The following TMEM108 variants were observed in gnomAD, a reference collection of about 807,000 sequenced individuals.
The protein encoded by TMEM108 is transmembrane protein 108.
Under a neutral mutation model 35.1 loss-of-function variants are expected in TMEM108, and 12 were observed. The ratio of observed to expected loss-of-function variants is 0.34; its 90% CI spans 0.22 to 0.55. The LOEUF is 0.55. Among genes scored for constraint, TMEM108 ranks in the 20% least tolerant of loss-of-function variants. The probability of loss-of-function intolerance (pLI) is 0.89; values close to 1 mark genes in which losing one functional copy is unlikely to be tolerated. For synonymous variants in TMEM108, 287 were observed against 308.6 expected (o/e 0.93, Z 0.73); for missense variants, 680 against 753.3 (o/e 0.90, Z 1.14).
chr3:133,198,937 G>A (rs943748803), intron 2 of TMEM108, among the ~76,000 whole-genome samples: 6 of 152,122 alleles, frequency 3.9e-5, no homozygotes, highest in East Asian at 1.9e-4. Context: ...CCAATCAGAC[G>A]TAGATTTGGT....
At chr3:133,094,242 A>G (rs1021936613) in intron 2 of TMEM108, among the ~76,000 whole-genome samples, 1 of 21,114 alleles carries the variant, frequency 4.7e-5, no homozygotes, top group Admixed American at 7.5e-4. Flanking sequence ...CACCCCCCCC[A>G]CACACACGAG....
chr3:133,068,408 G>A (rs1162384828), intron 2 of TMEM108, among the ~76,000 whole-genome samples: 2 of 152,048 alleles, frequency 1.3e-5, no homozygotes, highest in Non-Finnish European at 2.9e-5. Context: ...GGATAAAACT[G>A]GCATGTTTAA....
chr3:133,381,071 G>A lies in TMEM108; in HGVS notation c.1360G>A (p.Asp454Asn), dbSNP rs759921008. The A allele has an allele frequency of 1.2e-6, 2 of 1,614,204 alleles. No individual in the cohort carries two copies. Among genetic ancestry groups the A allele is most frequent in the Admixed American group, 3.3e-5 (2 of 60,032 alleles). Residue 454 changes from aspartate (D) to asparagine (N), a missense_variant, in exon 4 of 6, where the codon GAC becomes AAC. This residue lies in a region of TMEM108 where 526 missense variants were observed against 532.1 expected (regional missense o/e 0.99). Coordinates refer to ENST00000321871, the MANE Select transcript of TMEM108 (RefSeq NM_023943.4). ...GAACATCTCCCATGTGGCCGAGGGG[G>A]ACAAACCGCAGCACAGAGCCACCAT... The part of the protein sequence containing the change: ...AGNISHVAEG[D>N]KPQHRATICL...
At chr3:133,387,176 A>G (rs928712146) in intron 4 of TMEM108, 44 of 985,318 alleles carry the variant, frequency 4.5e-5, no homozygotes, top group Non-Finnish European at 5.3e-5. Flanking sequence ...CAAGAAGAGA[A>G]CTGTCATTAA....
At chr3:133,171,598 G>A (rs554432775) in intron 2 of TMEM108, among the ~76,000 whole-genome samples, 1 of 152,242 alleles carries the variant, frequency 6.6e-6, no homozygotes, top group South Asian at 2.1e-4. Context: ...TGCTTAGAGA[G>A]GTCACTTTCC....
chr3:133,356,700 G>A (rs1335351899), intron 3 of TMEM108, among the ~76,000 whole-genome samples: 1 of 151,946 alleles, frequency 6.6e-6, no homozygotes, highest in Non-Finnish European at 1.5e-5. Context: ...TACAAACCAT[G>A]CAAAAACATA....
At chr3:133,156,539 C>G (rs1576349976) in intron 2 of TMEM108, among the ~76,000 whole-genome samples, 1 of 152,158 alleles carries the variant, frequency 6.6e-6, no homozygotes, top group Non-Finnish European at 1.5e-5. Flanking sequence ...AAGCAAGTCA[C>G]TTAATCTCTC....
chr3:133,369,030 T>C (rs953609474), intron 3 of TMEM108, among the ~76,000 whole-genome samples: 4 of 152,236 alleles, frequency 2.6e-5, no homozygotes, highest in African/African-American at 9.6e-5. Context: ...ATTTTCCTTC[T>C]CATACAGCTG....
chr3:133,044,342 C>T (rs2107670372), intron 1 of TMEM108, among the ~76,000 whole-genome samples: 1 of 152,198 alleles, frequency 6.6e-6, no homozygotes, highest in East Asian at 1.9e-4. Context: ...TACTTTGTTT[C>T]CTGTTCCAAA....
intron 2 of TMEM108, among the ~76,000 whole-genome samples, chr3:133,170,609 G>A (rs1390645040): frequency 6.6e-6 from 1 of 152,136 alleles, no homozygotes; most frequent in Non-Finnish European, 1.5e-5. Context: ...GGTATTGGTG[G>A]TGTACAAGCA....
chr3:133,344,751 A>T (rs1381968327), intron 3 of TMEM108, among the ~76,000 whole-genome samples: 3 of 151,852 alleles, frequency 2.0e-5, no homozygotes, highest in African/African-American at 7.2e-5. Flanking sequence ...ATTTGGTATG[A>T]GAAAAGTATA....
Position 133,056,739 on chromosome 3 carries a change from G to A in TMEM108, c.-47+10719G>A, listed in dbSNP as rs186271227. Among the ~76,000 whole-genome samples, 343 of 152,172 alleles carry A rather than the reference G, an allele frequency of 2.3e-3. 2 individuals carry two copies. Among genetic ancestry groups the A allele is most frequent in the Admixed American group, 5.2e-3 (79 of 15,282 alleles). On this transcript the variant is annotated intron_variant, in intron 2 of 5. Transcript: ENST00000321871. ...CATTTTCCTCCTTCTACCTATGATC[G>A]TGAAAACTATGTTCATGGACATTCA...
intron 3 of TMEM108, among the ~76,000 whole-genome samples, chr3:133,238,715 G>T (rs1016715181): frequency 8.5e-5 from 13 of 152,258 alleles, no homozygotes; most frequent in African/African-American, 3.1e-4. Context: ...TGTCTTCATG[G>T]CTTGTTTCTC....
At chr3:133,112,057 GT>G (rs1008458534) in intron 2 of TMEM108, among the ~76,000 whole-genome samples, 9 of 151,330 alleles carry the variant, frequency 5.9e-5, no homozygotes, top group Non-Finnish European at 1.0e-4. Context: ...GAGCAAGACA[GT>G]TTTTTTTTCT....
intron 2 of TMEM108, among the ~76,000 whole-genome samples, chr3:133,084,960 G>T (rs1943862680): frequency 6.6e-6 from 1 of 152,186 alleles, no homozygotes; most frequent in Admixed American, 6.5e-5. Context: ...ACCTAGATTT[G>T]AGTGTGGTGT....
intron 3 of TMEM108, among the ~76,000 whole-genome samples, chr3:133,327,488 C>A (rs1481989641): frequency 1.3e-5 from 2 of 152,194 alleles, no homozygotes; most frequent in African/African-American, 4.8e-5. Context: ...TCAGGTCGTA[C>A]TAATGCCAGG....
chr3:133,094,833 T>G (rs956662573), intron 2 of TMEM108, among the ~76,000 whole-genome samples: 1 of 152,202 alleles, frequency 6.6e-6, no homozygotes, highest in Non-Finnish European at 1.5e-5. Flanking sequence ...TTTTTTTAAT[T>G]CAGGGTATTT....
Position 133,346,703 on chromosome 3 carries a change from C to T in TMEM108, c.41-33049C>T, listed in dbSNP as rs2071827573. 6.6e-6 allele frequency among the ~76,000 whole-genome samples: 1 copy of T among 151,936 alleles called. No homozygotes were observed. Among genetic ancestry groups the T allele is most frequent in the African/African-American group, 2.4e-5 (1 of 41,396 alleles). ...ATAGGCTTTGCTTTTTGTGTTGTAT[C>T]TAAAAACTCATGAAACCCAAAGTCA... On this transcript the variant is annotated intron_variant, in intron 3 of 5. Transcript: ENST00000321871. This position sits in a 1 kb window ranked among gnomAD's most constrained non-coding sequence, Gnocchi z 4.0.
chr3:133,285,528 G>A (rs567061494), intron 3 of TMEM108, among the ~76,000 whole-genome samples: 59 of 152,272 alleles, frequency 3.9e-4, no homozygotes, highest in African/African-American at 1.4e-3. Context: ...AGCACGCACA[G>A]GCAGCTTGGT....
Sources: allele counts gnomAD v4.1 joint callset (sites outside exome capture counted in the v4.1 genomes callset), GRCh38; gene constraint gnomAD v4.1.1; regional missense constraint gnomAD v4.1.1; non-coding constraint Gnocchi (gnomAD v3.1); transcripts MANE v1.5; gene names NCBI Gene and HGNC (gene_info 2026-07-23, HGNC 2026-07-21).